Variants in CNTNAP2 observed in about 807,000 individuals in gnomAD.
CNTNAP2 encodes the protein contactin associated protein 2.
A neutral mutation model predicts 155.2 loss-of-function variants in CNTNAP2; 98 were observed. The observed-to-expected ratio is 0.63, with a 90% confidence interval of 0.54 to 0.75. The LOEUF is 0.75. Ranked by LOEUF, CNTNAP2 falls within the 30% of genes least tolerant of loss-of-function variation. CNTNAP2 has a pLI of 0.00. For missense variants in CNTNAP2, 1,727 were observed against 1,688.1 expected (o/e 1.02, Z -0.40); for synonymous variants, 651 against 631.2 (o/e 1.03, Z -0.47).
chr7:147,038,657 G>C (rs1458189402), intron 3 of CNTNAP2, among the ~76,000 whole-genome samples: 2 of 152,120 alleles, frequency 1.3e-5, no homozygotes, highest in African/African-American at 4.8e-5. Context: ...TGTGGTAGCT[G>C]TCCTGCTGTT....
intron 4 of CNTNAP2, among the ~76,000 whole-genome samples, chr7:147,071,096 C>G (rs1799881697): frequency 6.6e-6 from 1 of 152,058 alleles, no homozygotes; most frequent in Non-Finnish European, 1.5e-5. Context: ...ACCATAGACA[C>G]ATTCCTTTTA....
At chr7:146,763,817 G>C (rs1394095291) in intron 1 of CNTNAP2, among the ~76,000 whole-genome samples, 1 of 152,066 alleles carries the variant, frequency 6.6e-6, no homozygotes. Flanking sequence ...AGCCTATCAT[G>C]CCATAAACAT....
chr7:146,670,384 T>C (rs1442306760), intron 1 of CNTNAP2, among the ~76,000 whole-genome samples: 1 of 152,092 alleles, frequency 6.6e-6, no homozygotes, highest in Non-Finnish European at 1.5e-5. Flanking sequence ...TTTTTTTCTG[T>C]TTATGAAGAA....
At chr7:147,875,748 T>A (rs1380857048) in intron 13 of CNTNAP2, among the ~76,000 whole-genome samples, 1 of 151,986 alleles carries the variant, frequency 6.6e-6, no homozygotes, top group African/African-American at 2.4e-5. Flanking sequence ...AAAAATAAAA[T>A]AAATAATTAT....
intron 2 of CNTNAP2, among the ~76,000 whole-genome samples, chr7:146,835,694 C>A (rs1026738579): frequency 1.3e-5 from 2 of 152,102 alleles, no homozygotes; most frequent in Non-Finnish European, 2.9e-5. Flanking sequence ...AGAGGTACTG[C>A]AGACTAGAAT....
intron 2 of CNTNAP2, among the ~76,000 whole-genome samples, chr7:146,825,443 G>A (rs190046231): frequency 1.1e-3 from 168 of 152,220 alleles, no homozygotes; most frequent in Non-Finnish European, 1.6e-3. Flanking sequence ...CACTCACTAT[G>A]CATGAGTCCT....
chr7:147,758,928 C>A (rs570754625), intron 13 of CNTNAP2, among the ~76,000 whole-genome samples: 1 of 152,250 alleles, frequency 6.6e-6, no homozygotes, highest in Non-Finnish European at 1.5e-5. Flanking sequence ...TTCTGAAGAA[C>A]AATGCTATTC....
intron 3 of CNTNAP2, among the ~76,000 whole-genome samples, chr7:147,020,911 C>T (rs895371451): frequency 5.9e-5 from 9 of 152,030 alleles, no homozygotes; most frequent in African/African-American, 2.2e-4. Flanking sequence ...GTTTCATGTT[C>T]TTAGAAATAT....
chr7:148,100,166 G>A lies in CNTNAP2; in HGVS notation c.2384-17952G>A, dbSNP rs191217708. On this transcript the variant is annotated intron_variant, in intron 15 of 23. Transcript: ENST00000361727. ...ATTACAGGTGTGAGACACCGCGCCC[G>A]GCCACGCTCCTCCCTCTTTTGAAGA... Among the ~76,000 whole-genome samples the A allele has an allele frequency of 1.8e-3, 267 of 151,752 alleles. 1 individual carries two copies. Among genetic ancestry groups the A allele is most frequent in the African/African-American group, 6.2e-3 (255 of 41,406 alleles).
At chr7:147,734,967 G>A (rs1439844825) in intron 13 of CNTNAP2, among the ~76,000 whole-genome samples, 2 of 142,460 alleles carry the variant, frequency 1.4e-5, no homozygotes, top group East Asian at 4.4e-4. Flanking sequence ...CAAAAAACCA[G>A]CTCCTGGATT....
intron 10 of CNTNAP2, among the ~76,000 whole-genome samples, chr7:147,485,012 T>C (rs560060295): frequency 7.9e-5 from 12 of 152,138 alleles, no homozygotes; most frequent in African/African-American, 2.6e-4. Context: ...GAGACAGGAA[T>C]TGATGGGAGG....
intron 13 of CNTNAP2, among the ~76,000 whole-genome samples, chr7:147,869,734 C>T (rs1799296930): frequency 6.6e-6 from 1 of 151,672 alleles, no homozygotes; most frequent in Non-Finnish European, 1.5e-5. Context: ...AGCCTCCTTG[C>T]TTGATAAAAA....
chr7:148,337,638 C>G (rs1033065757), intron 21 of CNTNAP2, among the ~76,000 whole-genome samples: 1 of 152,228 alleles, frequency 6.6e-6, no homozygotes, highest in African/African-American at 2.4e-5. Flanking sequence ...TTACCAGCTA[C>G]TTCTAACCTC....
chr7:147,951,463 A>G (rs1024419068), intron 14 of CNTNAP2, among the ~76,000 whole-genome samples: 1 of 152,216 alleles, frequency 6.6e-6, no homozygotes, highest in Non-Finnish European at 1.5e-5. Context: ...CTTAGAATAT[A>G]TGTTCCAAAC....
chr7:147,508,184 AT>A (rs1160358396), intron 11 of CNTNAP2, among the ~76,000 whole-genome samples: 2 of 152,190 alleles, frequency 1.3e-5, no homozygotes, highest in African/African-American at 4.8e-5. Flanking sequence ...TTATTATTGA[AT>A]GAATGATGTC....
intron 1 of CNTNAP2, among the ~76,000 whole-genome samples, chr7:146,193,362 C>T (rs1243338404): frequency 1.3e-5 from 2 of 152,228 alleles, no homozygotes; most frequent in African/African-American, 4.8e-5. Context: ...CTGCAGCAAA[C>T]TTCCACCTGG....
chr7:148,084,828 G>C (rs183509154), intron 15 of CNTNAP2, among the ~76,000 whole-genome samples: 48 of 152,252 alleles, frequency 3.2e-4, no homozygotes, highest in Non-Finnish European at 1.5e-5. Context: ...GACATTGTTT[G>C]TTTAATAAAG....
intron 3 of CNTNAP2, among the ~76,000 whole-genome samples, chr7:146,898,512 A>T (rs1296430078): frequency 1.3e-5 from 2 of 152,042 alleles, no homozygotes; most frequent in Non-Finnish European, 2.9e-5. Context: ...TAATAATAAA[A>T]AAAAAAACTC....
chr7:147,132,543 A>T (rs1801398913), intron 8 of CNTNAP2, 34 bp downstream of exon 8: 9 of 1,612,576 alleles, frequency 5.6e-6, no homozygotes, highest in Non-Finnish European at 7.6e-6. Flanking sequence ...TGTTCCTGAA[A>T]CTTATTGCAA....
Sources: gnomAD v4.1 joint callset for allele counts (sites outside exome capture counted in the v4.1 genomes callset) on GRCh38, gnomAD v4.1.1 for gene constraint, MANE v1.5 for transcripts, NCBI Gene and HGNC (gene_info 2026-07-23, HGNC 2026-07-21) for gene names.